The following RSRC1 variants were observed in gnomAD, a reference collection of about 807,000 sequenced individuals.
RSRC1 encodes the protein serine/Arginine-related protein 53.
RSRC1 carries 39 observed loss-of-function variants against 49.1 expected under a neutral mutation model. The ratio of observed to expected loss-of-function variants is 0.79; its 90% CI spans 0.61 to 1.04. The LOEUF (loss-of-function observed/expected upper bound fraction) is 1.04, where lower values mean the gene tolerates loss of function less well. Among genes scored for constraint, RSRC1 ranks in the 50% least tolerant of loss-of-function variants. RSRC1 has a pLI of 0.00. For missense variants in RSRC1, 388 were observed against 402.4 expected (o/e 0.96, Z 0.31); for synonymous variants, 143 against 130.8 (o/e 1.09, Z -0.63).
rs141950311 is a variant in RSRC1, at chr3:158,128,299, T to C, written c.320+4308T>C. Among the ~76,000 whole-genome samples the C allele has an allele frequency of 3.4e-3, 517 of 152,282 alleles. 2 individuals carry two copies. The highest frequency in any genetic ancestry group is 5.6e-3 in the Non-Finnish European group (380 of 68,014). ...TTGCTGGCCTTAGGGACAGGTAAAG[T>C]AAAATGGTTCTTAATTATTTCAGTG... On this transcript the variant is annotated intron_variant, in intron 3 of 9. Transcript: ENST00000611884.
At chr3:158,229,192 A>G (rs1430574546) in intron 4 of RSRC1, among the ~76,000 whole-genome samples, 1 of 98,814 alleles carries the variant, frequency 1.0e-5, no homozygotes, top group Non-Finnish European at 2.3e-5. Flanking sequence ...GTGTAAACAT[A>G]CATATATGTG....
At chr3:158,155,724 T>A (rs1457262736) in intron 3 of RSRC1, among the ~76,000 whole-genome samples, 1 of 151,846 alleles carries the variant, frequency 6.6e-6, no homozygotes, top group Non-Finnish European at 1.5e-5. Context: ...ATTACAGGCA[T>A]GAGCCACCAC....
At chr3:158,503,461 G>T (rs1178920848) in intron 7 of RSRC1, among the ~76,000 whole-genome samples, 1 of 152,088 alleles carries the variant, frequency 6.6e-6, no homozygotes, top group African/African-American at 2.4e-5. Context: ...AAGATTATAT[G>T]CCCTTTGTCT....
intron 8 of RSRC1, among the ~76,000 whole-genome samples, chr3:158,540,029 T>A (rs139853798): frequency 1.3e-5 from 2 of 152,290 alleles, no homozygotes; most frequent in East Asian, 3.9e-4. Flanking sequence ...ATGGCTAAGA[T>A]ACGCAGAATG....
At chr3:158,510,618 C>T (rs1740104169) in intron 7 of RSRC1, among the ~76,000 whole-genome samples, 1 of 152,064 alleles carries the variant, frequency 6.6e-6, no homozygotes, top group Non-Finnish European at 1.5e-5. Context: ...AAATGGGGTA[C>T]TCATCCCCTC....
chr3:158,464,718 A>T (rs1174886889), intron 7 of RSRC1, among the ~76,000 whole-genome samples: 1 of 152,098 alleles, frequency 6.6e-6, no homozygotes, highest in African/African-American at 2.4e-5. Context: ...ACTGAAAGGC[A>T]AGGTGGTTGC....
intron 7 of RSRC1, among the ~76,000 whole-genome samples, chr3:158,483,443 A>G (rs1056950269): frequency 6.6e-6 from 1 of 152,054 alleles, no homozygotes; most frequent in Non-Finnish European, 1.5e-5. Context: ...GGAATAATGG[A>G]CTAATTTAGA....
chr3:158,116,411 AGAAGTTATGTGT>A (rs1327444439), intron 1 of RSRC1, among the ~76,000 whole-genome samples: 1 of 152,238 alleles, frequency 6.6e-6, no homozygotes, highest in Non-Finnish European at 1.5e-5. Flanking sequence ...AATATATGGC[AGAAGTTATGTGT>A]ATCTCTCATT....
chr3:158,264,420 C>G (rs1369302562), intron 4 of RSRC1, among the ~76,000 whole-genome samples: 1 of 152,106 alleles, frequency 6.6e-6, no homozygotes, highest in African/African-American at 2.4e-5. Flanking sequence ...TGTATTTAGA[C>G]TTCTTTTATG....
intron 7 of RSRC1, among the ~76,000 whole-genome samples, chr3:158,487,102 T>G (rs1738842935): frequency 6.6e-6 from 1 of 152,198 alleles, no homozygotes; most frequent in African/African-American, 2.4e-5. Flanking sequence ...GTTCTTAAAG[T>G]TTCTCAGCTG....
intron 6 of RSRC1, among the ~76,000 whole-genome samples, chr3:158,426,654 T>TA (rs886409284): frequency 2.4e-4 from 37 of 151,604 alleles, no homozygotes; most frequent in African/African-American, 7.0e-4. Flanking sequence ...ATATCCTTTT[T>TA]AAAAAAAATT....
chr3:158,251,752 C>T (rs1724219060), intron 4 of RSRC1, among the ~76,000 whole-genome samples: 1 of 152,150 alleles, frequency 6.6e-6, no homozygotes, highest in African/African-American at 2.4e-5. Context: ...AAGATCATAT[C>T]ATCTGCAAAC....
chr3:158,392,635 T>G (rs1196222437), intron 6 of RSRC1, among the ~76,000 whole-genome samples: 4 of 152,102 alleles, frequency 2.6e-5, no homozygotes, highest in Non-Finnish European at 4.4e-5. Context: ...AGACCTATCC[T>G]AAATATATAT....
intron 4 of RSRC1, among the ~76,000 whole-genome samples, chr3:158,231,112 G>C (rs1262699467): frequency 3.6e-5 from 1 of 27,558 alleles, no homozygotes; most frequent in Non-Finnish European, 8.3e-5. Flanking sequence ...GGCTGTAGTA[G>C]AGATGAAGAA....
intron 4 of RSRC1, among the ~76,000 whole-genome samples, chr3:158,230,014 C>G (rs1722863492): frequency 6.6e-6 from 1 of 152,086 alleles, no homozygotes; most frequent in Non-Finnish European, 1.5e-5. Context: ...CACAGCTCCC[C>G]TTCACCTAGG....
intron 8 of RSRC1, 131 bp downstream of exon 8, chr3:158,537,329 T>C (rs1187986943): frequency 3.7e-6 from 2 of 534,480 alleles, no homozygotes; most frequent in Non-Finnish European, 6.6e-6. Context: ...GCCATGTTGC[T>C]GAGAGAGAGA....
chr3:158,161,439 C>G (rs922622014), intron 3 of RSRC1, among the ~76,000 whole-genome samples: 2 of 152,132 alleles, frequency 1.3e-5, no homozygotes, highest in African/African-American at 2.4e-5. Context: ...GGTCTAAGCT[C>G]AAAGTCAAGG....
chr3:158,514,327 C>T (rs985663743), intron 7 of RSRC1, among the ~76,000 whole-genome samples: 2 of 152,270 alleles, frequency 1.3e-5, no homozygotes, highest in African/African-American at 2.4e-5. Flanking sequence ...TCTTTCTTCT[C>T]GTTGATTTCA....
At chr3:158,244,672 G>A (rs911250180) in intron 4 of RSRC1, among the ~76,000 whole-genome samples, 19 of 152,064 alleles carry the variant, frequency 1.2e-4, no homozygotes, top group African/African-American at 4.6e-4. Context: ...CTTCTTTTCT[G>A]TTTTTCATAA....
Sources: gnomAD v4.1 joint callset for allele counts (sites outside exome capture counted in the v4.1 genomes callset) on GRCh38, gnomAD v4.1.1 for gene constraint, MANE v1.5 for transcripts, NCBI Gene and HGNC (gene_info 2026-07-23, HGNC 2026-07-21) for gene names.